CFAP57: variants seen among roughly 807,000 people sequenced by gnomAD.
The protein encoded by CFAP57 is cilia and flagella associated protein 57.
In CFAP57, 116 loss-of-function variants were observed where a neutral mutation model predicts 146.8. The observed-to-expected ratio is 0.79, with a 90% confidence interval of 0.68 to 0.92. The LOEUF is 0.92. CFAP57 is among the 40% of genes least tolerant of loss of function. The probability of loss-of-function intolerance (pLI) is 0.00; values close to 1 mark genes in which losing one functional copy is unlikely to be tolerated. For missense variants in CFAP57, 1,377 were observed against 1,527.2 expected, an observed-to-expected ratio of 0.90 and a Z score of 1.64; for synonymous variants, 518 against 552.8, an observed-to-expected ratio of 0.94 and a Z score of 0.88.
intron 8 of CFAP57, 60 bp downstream of exon 8, chr1:43,198,706 T>A: frequency 6.3e-7 from 1 of 1,589,830 alleles, no homozygotes; most frequent in Non-Finnish European, 8.6e-7. Flanking sequence ...GGCTGAAATA[T>A]CAGGAACTAA....
At chr1:43,245,625 A>G in intron 22 of CFAP57, among the ~76,000 whole-genome samples, 1 of 152,190 alleles carries the variant, frequency 6.6e-6, no homozygotes, top group East Asian at 1.9e-4. Context: ...CAAAAGGCTC[A>G]GGAATGATCA....
At chr1:43,235,837 C>T (rs1645665916) in intron 21 of CFAP57, among the ~76,000 whole-genome samples, 1 of 152,198 alleles carries the variant, frequency 6.6e-6, no homozygotes, top group African/African-American at 2.4e-5. Flanking sequence ...CAGTTGTCAG[C>T]TGCTGACATC....
At position 43,209,845 on chromosome 1, in the gene CFAP57, G is replaced by C; in HGVS notation, c.1858G>C (p.Ala620Pro). 1 of 1,614,160 alleles carries C rather than the reference G, an allele frequency of 6.2e-7. No homozygotes were observed. The highest frequency in any genetic ancestry group is 8.5e-7 in the Non-Finnish European group (1 of 1,180,034). Reference sequence around the variant, plus strand: ...GGGCACCTCGGTGGGAACCATTCGTGCCATGAAGTACCCTCTGCCTCTGCA... The same window carrying C: ...GGGCACCTCGGTGGGAACCATTCGTCCCATGAAGTACCCTCTGCCTCTGCA... ...FVGTSVGTIR[A>P]MKYPLPLQKE... The change falls in exon 11 of 23, where the codon GCC (alanine) becomes CCC (proline). Residue 620 changes from alanine to proline, a missense_variant. Ala to Pro is a conservative substitution (Grantham distance 27). Transcript: ENST00000372492.
chr1:43,178,937 A>G (rs2124241460), intron 2 of CFAP57, among the ~76,000 whole-genome samples: 1 of 152,344 alleles, frequency 6.6e-6, no homozygotes, highest in East Asian at 1.9e-4. Flanking sequence ...CATATACACC[A>G]TGGAATACTA....
Position 43,201,780 on chromosome 1 carries a change from TA to T in CFAP57, c.1542+2279del, listed in dbSNP as rs1291447509. On this transcript the variant is annotated intron_variant, in intron 9 of 22. Coordinates refer to ENST00000372492, the MANE Select transcript of CFAP57 (RefSeq NM_001378189.1). The surrounding 1 kb of genome is among the most constrained non-coding windows in gnomAD (Gnocchi z 4.4). ...ACAGGCATGTACCACCACACCCGGG[TA>T]ATTTTGTATTTTTAATAGAGACGGG... Among the ~76,000 whole-genome samples, 1 of 151,970 alleles carries T rather than the reference TA, an allele frequency of 6.6e-6. No individual in the cohort carries two copies.
chr1:43,207,449 A>G (rs916898201), intron 10 of CFAP57, among the ~76,000 whole-genome samples: 6 of 152,306 alleles, frequency 3.9e-5, no homozygotes, highest in African/African-American at 1.2e-4. Flanking sequence ...GCATAGTCAC[A>G]TGCTGTTCAG....
intron 19 of CFAP57, among the ~76,000 whole-genome samples, chr1:43,233,419 G>A (rs1645553210): frequency 6.6e-6 from 1 of 152,092 alleles, no homozygotes; most frequent in Admixed American, 6.5e-5. Context: ...AACCTGGGAG[G>A]CGGAGGTTGC....
At chr1:43,177,912 G>C (rs1645235057) in intron 2 of CFAP57, among the ~76,000 whole-genome samples, 3 of 152,236 alleles carry the variant, frequency 2.0e-5, no homozygotes, top group African/African-American at 7.2e-5. Flanking sequence ...ATTTACAAAA[G>C]AGAAGCAGCT....
intron 14 of CFAP57, among the ~76,000 whole-genome samples, 197 bp from the exon 15 acceptor site, chr1:43,221,908 C>T (rs1034003890): frequency 6.6e-6 from 1 of 152,138 alleles, no homozygotes; most frequent in Non-Finnish European, 1.5e-5. Context: ...AGCAGGCAGG[C>T]AGGGAGTTTG....
intron 22 of CFAP57, among the ~76,000 whole-genome samples, chr1:43,250,628 T>C (rs1032164120): frequency 1.3e-5 from 2 of 152,328 alleles, no homozygotes; most frequent in Admixed American, 6.5e-5. Flanking sequence ...ACTATCCAAC[T>C]GCTGCAGCAA....
intron 3 of CFAP57, 49 bp from the exon 4 acceptor site, chr1:43,183,542 C>T (rs776769214): frequency 6.6e-7 from 1 of 1,519,430 alleles, no homozygotes; most frequent in Non-Finnish European, 9.1e-7. Flanking sequence ...ATAATTCCAT[C>T]AAGAATAGTT....
intron 9 of CFAP57, 148 bp from the exon 10 acceptor site, chr1:43,206,572 A>G (rs916446991): frequency 2.3e-5 from 16 of 697,626 alleles, no homozygotes; most frequent in African/African-American, 2.1e-4. Context: ...GTTCACAAGA[A>G]GCTATGTTTT....
At chr1:43,215,854 C>T (rs1436815907) in intron 12 of CFAP57, among the ~76,000 whole-genome samples, 1 of 152,154 alleles carries the variant, frequency 6.6e-6, no homozygotes, top group Non-Finnish European at 1.5e-5. Context: ...CCCCATGTTT[C>T]AAAAAACAAG....
rs141662599 is a variant in CFAP57 at position 43,183,855 on chromosome 1, G to T, written c.739G>T (p.Asp247Tyr). ...ACCTACCAATGGCTCAAAGAGCCTG[G>T]ATGTCATTCAGGAATCAGAGAGGTA... The part of the protein sequence containing the change: ...KEPTNGSKSL[D>Y]VIQESESLIE... The change falls in exon 4 of 23, where the codon GAT becomes TAT. Residue 247 changes from aspartate to tyrosine, a missense_variant. Transcript: ENST00000372492. 1 of 1,614,094 alleles carries T rather than the reference G, an allele frequency of 6.2e-7. No individual in the cohort carries two copies. Among genetic ancestry groups the T allele is most frequent in the Non-Finnish European group, 8.5e-7 (1 of 1,180,022 alleles).
intron 5 of CFAP57, among the ~76,000 whole-genome samples, chr1:43,186,078 C>CAA (rs60209286): frequency 4.9e-5 from 7 of 141,594 alleles, no homozygotes; most frequent in Admixed American, 4.2e-4. Flanking sequence ...GACTCTGTCT[C>CAA]AAAAAAAAAA....
chr1:43,203,948 A>G (rs1644244269), intron 9 of CFAP57, among the ~76,000 whole-genome samples: 1 of 152,134 alleles, frequency 6.6e-6, no homozygotes, highest in Non-Finnish European at 1.5e-5. Context: ...CTCTTCTCCT[A>G]GTGCTCTCAT....
intron 22 of CFAP57, 69 bp from the exon 23 acceptor site, chr1:43,253,908 G>C: frequency 7.4e-7 from 1 of 1,356,578 alleles, no homozygotes; most frequent in Non-Finnish European, 1.0e-6. Flanking sequence ...AGCAGGGAGG[G>C]AGGAGGGGAG....
At chr1:43,221,307 C>A in intron 13 of CFAP57, 65 bp from the exon 14 acceptor site, 4 of 1,200,742 alleles carry the variant, frequency 3.3e-6, no homozygotes, top group South Asian at 1.7e-5. Flanking sequence ...CTTGTAAAAT[C>A]AGTTCTTGCC....
At chr1:43,244,456 T>A (rs1386366778) in intron 22 of CFAP57, among the ~76,000 whole-genome samples, 1 of 152,212 alleles carries the variant, frequency 6.6e-6, no homozygotes, top group Non-Finnish European at 1.5e-5. Context: ...ATTAAATACA[T>A]ATATAAGATT....
Sources: gnomAD v4.1 joint callset for allele counts (sites outside exome capture counted in the v4.1 genomes callset) on GRCh38, gnomAD v4.1.1 for gene constraint, Gnocchi (gnomAD v3.1) non-coding constraint, MANE v1.5 for transcripts, NCBI Gene and HGNC (gene_info 2026-07-23, HGNC 2026-07-21) for gene names.